FBXW7: variants seen among roughly 807,000 people sequenced by gnomAD.
FBXW7 encodes F-box/WD repeat-containing protein 7.
FBXW7 carries 11 observed loss-of-function variants against 86.3 expected under a neutral mutation model. The observed-to-expected ratio is 0.13, with a 90% CI of 0.08 to 0.21. The LOEUF is 0.21. FBXW7 is among the 10% of genes least tolerant of loss of function. The pLI, the probability that FBXW7 is intolerant of heterozygous loss-of-function variation, is 1.00. For missense variants in FBXW7, 488 were observed against 847.4 expected, an observed-to-expected ratio of 0.58 and a Z score of 5.27; for synonymous variants, 313 against 297.9, an observed-to-expected ratio of 1.05 and a Z score of -0.52.
chr4:152,512,063 T>C (rs1748031878), intron 2 of FBXW7, among the ~76,000 whole-genome samples: 1 of 152,180 alleles, frequency 6.6e-6, no homozygotes, highest in South Asian at 2.1e-4. Flanking sequence ...GTTCACATTA[T>C]ATGAAACTAA....
intron 2 of FBXW7, among the ~76,000 whole-genome samples, chr4:152,434,861 A>G (rs1462175446): frequency 1.3e-5 from 2 of 151,962 alleles, no homozygotes; most frequent in Non-Finnish European, 2.9e-5. Context: ...TGTGCTTCAG[A>G]GTTTAGATTT....
chr4:152,434,958 TCC>T (rs11321808), intron 2 of FBXW7, among the ~76,000 whole-genome samples: 157 of 129,306 alleles, frequency 1.2e-3, no homozygotes, highest in Middle Eastern at 3.9e-3. Context: ...TTCCCCCCGC[TCC>T]CCCCCCCCCA....
chr4:152,417,236 C>T (rs529842134), intron 2 of FBXW7, among the ~76,000 whole-genome samples: 9 of 152,264 alleles, frequency 5.9e-5, no homozygotes, highest in African/African-American at 2.2e-4. Context: ...ATTTTAACAT[C>T]CAAACTTCTA....
At chr4:152,416,273 A>T (rs1316381100) in intron 2 of FBXW7, among the ~76,000 whole-genome samples, 1 of 152,140 alleles carries the variant, frequency 6.6e-6, no homozygotes, top group Non-Finnish European at 1.5e-5. Context: ...TCACAAACAC[A>T]ACGTCAATTA....
intron 4 of FBXW7, among the ~76,000 whole-genome samples, chr4:152,358,056 A>C (rs1019745774): frequency 2.0e-5 from 3 of 152,170 alleles, no homozygotes; most frequent in Admixed American, 6.5e-5. Flanking sequence ...AAAGCAATGA[A>C]TCTTTCATGC....
intron 2 of FBXW7, among the ~76,000 whole-genome samples, chr4:152,501,728 CT>C (rs1489749804): frequency 6.6e-6 from 1 of 151,908 alleles, no homozygotes; most frequent in African/African-American, 2.4e-5. Context: ...GATGAACATT[CT>C]TTTTTTTATT....
At chr4:152,488,550 CCT>C (rs1453191527) in intron 2 of FBXW7, among the ~76,000 whole-genome samples, 5 of 151,938 alleles carry the variant, frequency 3.3e-5, no homozygotes, top group Admixed American at 6.6e-5. Context: ...GCAATTTTTC[CCT>C]GTTTTGCCAC....
At chr4:152,451,018 A>C (rs1367735916) in intron 2 of FBXW7, among the ~76,000 whole-genome samples, 1 of 152,206 alleles carries the variant, frequency 6.6e-6, no homozygotes, top group Non-Finnish European at 1.5e-5. Context: ...CTTCCACATC[A>C]GCTAATTTGA....
intron 6 of FBXW7, among the ~76,000 whole-genome samples, chr4:152,339,651 T>A (rs1730512061): frequency 6.6e-6 from 1 of 152,128 alleles, no homozygotes; most frequent in South Asian, 2.1e-4. Context: ...TTGATTAAAA[T>A]GTAGCTTAGG....
chr4:152,450,809 C>G (rs529450067), intron 2 of FBXW7, among the ~76,000 whole-genome samples: 1 of 152,334 alleles, frequency 6.6e-6, no homozygotes, highest in African/African-American at 2.4e-5. Flanking sequence ...AGTTATCTTA[C>G]TAGCTATTCA....
At chr4:152,340,618 C>T (rs1046589684) in intron 6 of FBXW7, among the ~76,000 whole-genome samples, 2 of 144,404 alleles carry the variant, frequency 1.4e-5, no homozygotes, top group Non-Finnish European at 3.0e-5. Flanking sequence ...CTGATAAAGA[C>T]GAGTAGCAAT....
intron 4 of FBXW7, among the ~76,000 whole-genome samples, chr4:152,371,768 C>A (rs1347503320): frequency 6.6e-6 from 1 of 151,830 alleles, no homozygotes. Context: ...ATCCCAAGTG[C>A]CTAGAACTGG....
intron 7 of FBXW7, among the ~76,000 whole-genome samples, chr4:152,335,183 C>T (rs1729946552): frequency 6.6e-6 from 1 of 152,074 alleles, no homozygotes; most frequent in Admixed American, 6.6e-5. Context: ...GAAATCCTAA[C>T]CCTCAATGTG....
At chr4:152,510,135 T>C (rs1331360843) in intron 2 of FBXW7, among the ~76,000 whole-genome samples, 2 of 152,294 alleles carry the variant, frequency 1.3e-5, no homozygotes, top group East Asian at 3.9e-4. Flanking sequence ...TACAAAAAAA[T>C]TGGGAACAAC....
At chr4:152,378,051 G>A (rs1191272521) in intron 4 of FBXW7, among the ~76,000 whole-genome samples, 1 of 152,108 alleles carries the variant, frequency 6.6e-6, no homozygotes, top group Admixed American at 6.6e-5. Context: ...GTCTGTGGCT[G>A]CTTTCATGAT....
intron 4 of FBXW7, among the ~76,000 whole-genome samples, chr4:152,403,102 ATGAAATGGGGAGTTGG>A (rs1416715639): frequency 2.0e-5 from 3 of 152,174 alleles, no homozygotes; most frequent in Admixed American, 6.5e-5. Flanking sequence ...CATTAGTTTG[ATGAAATGGGGAGTTGG>A]GAATACGGGA....
In FBXW7 at chr4:152,456,009, T is replaced by G. The variant is rs1742370325; in HGVS notation, c.-119-43480A>C. The stretch of plus-strand genomic sequence containing the variant: ...ATGGACATCTTTCAGGGGTCATTAT[T>G]TGGCCTGCCAAAATACAACACAAAA... On this transcript the variant is annotated intron_variant, in intron 2 of 13. Coordinates refer to ENST00000281708, the MANE Select transcript of FBXW7 (RefSeq NM_001349798.2). Among the ~76,000 whole-genome samples the G allele has an allele frequency of 2.0e-5, 3 of 152,154 alleles. No individual in the cohort carries two copies. The South Asian group carries it at 6.2e-4, about 32-fold the overall frequency.
chr4:152,398,955 T>C (rs1406627262), intron 4 of FBXW7, among the ~76,000 whole-genome samples: 1 of 152,150 alleles, frequency 6.6e-6, no homozygotes, highest in Non-Finnish European at 1.5e-5. Flanking sequence ...GGAACTTACA[T>C]TTGTTATTAT....
chr4:152,508,517 G>A (rs1392759448), intron 2 of FBXW7, among the ~76,000 whole-genome samples: 4 of 151,758 alleles, frequency 2.6e-5, no homozygotes, highest in Non-Finnish European at 5.9e-5. Flanking sequence ...ATGAAACCTC[G>A]CCTCTACAAA....
Sources: allele counts gnomAD v4.1 joint callset (sites outside exome capture counted in the v4.1 genomes callset), GRCh38; gene constraint gnomAD v4.1.1; transcripts MANE v1.5; gene names NCBI Gene and HGNC (gene_info 2026-07-23, HGNC 2026-07-21).